The following CCSER2 variants were observed in gnomAD, a reference collection of about 807,000 sequenced individuals.
The protein encoded by CCSER2 is coiled-coil serine rich protein 2.
CCSER2 carries 46 observed loss-of-function variants against 92.3 expected under a neutral mutation model. The ratio of observed to expected loss-of-function variants is 0.50; its 90% confidence interval spans 0.39 to 0.64. The LOEUF (loss-of-function observed/expected upper bound fraction) is 0.64, where lower values mean the gene tolerates loss of function less well. Among genes scored for constraint, CCSER2 ranks in the 30% least tolerant of loss-of-function variants. The pLI, the probability that CCSER2 is intolerant of heterozygous loss-of-function variation, is 0.00. For synonymous variants in CCSER2, 433 were observed against 431.4 expected, an observed-to-expected ratio of 1.00 and a Z score of -0.04; for missense variants, 1,244 against 1,238.9, an observed-to-expected ratio of 1.00 and a Z score of -0.06.
At chr10:84,471,670 G>A (rs1008729684) in intron 8 of CCSER2, among the ~76,000 whole-genome samples, 3 of 152,038 alleles carry the variant, frequency 2.0e-5, no homozygotes, top group Non-Finnish European at 4.4e-5. Flanking sequence ...ATGAATGAGC[G>A]GTGAAATGGA....
At chr10:84,395,976 A>G (rs1589540510) in intron 3 of CCSER2, among the ~76,000 whole-genome samples, 1 of 152,252 alleles carries the variant, frequency 6.6e-6, no homozygotes, top group African/African-American at 2.4e-5. Context: ...AGAACTGACA[A>G]TTATATGTAT....
At chr10:84,368,443 G>A (rs912340834) in intron 1 of CCSER2, among the ~76,000 whole-genome samples, 4 of 151,454 alleles carry the variant, frequency 2.6e-5, no homozygotes, top group South Asian at 2.1e-4. Context: ...GTAACAGGAC[G>A]TTCTTTAGTC....
At chr10:84,496,329 AG>A (rs1359391030) in intron 9 of CCSER2, among the ~76,000 whole-genome samples, 2 of 151,934 alleles carry the variant, frequency 1.3e-5, no homozygotes, top group Non-Finnish European at 2.9e-5. Flanking sequence ...TCTGTCGCCC[AG>A]GCTGGAGTGC....
chr10:84,399,632 T>A (rs1374212930), intron 3 of CCSER2, among the ~76,000 whole-genome samples: 1 of 152,188 alleles, frequency 6.6e-6, no homozygotes, highest in Non-Finnish European at 1.5e-5. Context: ...CCATTATTCT[T>A]TTAAATCTGG....
intron 6 of CCSER2, among the ~76,000 whole-genome samples, chr10:84,463,481 A>G (rs1203359337): frequency 6.6e-6 from 1 of 152,188 alleles, no homozygotes; most frequent in African/African-American, 2.4e-5. Context: ...TCATGTAGCT[A>G]GTATTTTTAA....
intron 1 of CCSER2, among the ~76,000 whole-genome samples, chr10:84,368,173 A>G (rs1372041069): frequency 1.3e-5 from 2 of 152,116 alleles, no homozygotes; most frequent in Non-Finnish European, 2.9e-5. Context: ...TGGCAAATCA[A>G]ATTTTTTCTA....
In CCSER2 at chr10:84,516,172, G is replaced by A. The variant is rs1156852601; in HGVS notation, c.*1905G>A. On this transcript the variant is annotated 3_prime_UTR_variant, in exon 10 of 10. Coordinates refer to ENST00000372088, the MANE Select transcript of CCSER2 (RefSeq NM_001284240.2). ...CTTTTAGTAGAAATTTGAAAGAAGT[G>A]TTTGCTACCATTTTGACCCATTATT... 1.3e-5 allele frequency: 2 copies of A among 152,166 alleles called. No individual in the cohort carries two copies. Among genetic ancestry groups the A allele is most frequent in the Non-Finnish European group, 2.9e-5 (2 of 68,020 alleles). 9.4% of individuals were successfully genotyped at this position (152,166 alleles called of 1,614,324 possible).
chr10:84,473,606 A>G (rs1026046143), intron 8 of CCSER2, among the ~76,000 whole-genome samples: 3 of 152,240 alleles, frequency 2.0e-5, no homozygotes, highest in Admixed American at 6.5e-5. Context: ...CACTTGTTCA[A>G]ACCAAGAGAG....
intron 3 of CCSER2, among the ~76,000 whole-genome samples, chr10:84,395,083 G>C (rs1055079572): frequency 3.3e-5 from 5 of 151,970 alleles, no homozygotes; most frequent in Admixed American, 3.3e-4. Flanking sequence ...AATTAGCCAG[G>C]CATGGTGGCA....
intron 1 of CCSER2, among the ~76,000 whole-genome samples, chr10:84,335,789 A>G (rs896435226): frequency 6.6e-6 from 1 of 152,130 alleles, no homozygotes; most frequent in Non-Finnish European, 1.5e-5. Context: ...TTCTCTGACC[A>G]TTATCTCTTG....
rs576220736 is a variant in CCSER2, at chr10:84,348,329, G to C, written c.-40+19521G>C. 5.4e-3 allele frequency among the ~76,000 whole-genome samples: 822 copies of C among 152,356 alleles called. 9 individuals carry two copies. Among genetic ancestry groups the C allele is most frequent in the African/African-American group, 0.019 (795 of 41,580 alleles). On this transcript the variant is annotated intron_variant, in intron 1 of 9. Coordinates refer to ENST00000372088, the MANE Select transcript of CCSER2 (RefSeq NM_001284240.2). Reference sequence around the variant, plus strand: ...CAGTCAGGCGTGGCGGCACGCGCCTGCAATCGCAGGCACTCGGCAGGCTGA... The same window carrying C: ...CAGTCAGGCGTGGCGGCACGCGCCTCCAATCGCAGGCACTCGGCAGGCTGA...
Position 84,517,968 on chromosome 10 carries a change from AC to A in CCSER2, c.*3704del, listed in dbSNP as rs1849652102. The A allele has an allele frequency of 6.6e-6, 1 of 152,106 alleles. No homozygotes were observed. The highest frequency in any genetic ancestry group is 2.4e-5 in the African/African-American group (1 of 41,376). 9.4% of individuals were successfully genotyped at this position (152,106 alleles called of 1,614,324 possible). Reference sequence around the variant, plus strand: ...ACCATTTCAATTTACTTTCCATCTTACCCAGTAGTTTTTGTGTTTTTAAATT... The same window carrying A: ...ACCATTTCAATTTACTTTCCATCTTACCAGTAGTTTTTGTGTTTTTAAATT... On this transcript the variant is annotated 3_prime_UTR_variant, in exon 10 of 10. Transcript: ENST00000372088.
At chr10:84,412,872 A>G (rs1312810560) in intron 3 of CCSER2, among the ~76,000 whole-genome samples, 1 of 152,086 alleles carries the variant, frequency 6.6e-6, no homozygotes, top group Non-Finnish European at 1.5e-5. Flanking sequence ...TTTCTCCCAA[A>G]AAAGGTGTAT....
intron 9 of CCSER2, among the ~76,000 whole-genome samples, chr10:84,513,244 C>T (rs578205495): frequency 6.6e-6 from 1 of 152,018 alleles, no homozygotes; most frequent in East Asian, 1.9e-4. Context: ...GTGTTTACTG[C>T]CTGTATCATT....
At chr10:84,427,782 A>G (rs1398062087) in intron 5 of CCSER2, among the ~76,000 whole-genome samples, 1 of 152,002 alleles carries the variant, frequency 6.6e-6, no homozygotes, top group African/African-American at 2.4e-5. Context: ...CACATTCTTC[A>G]TCTCTTCACC....
At position 84,517,140 on chromosome 10, in the gene CCSER2, C is replaced by T. The variant is rs1172015365; in HGVS notation, c.*2873C>T. ...CTAGTGGTATCAATGAAGATAGTTA[C>T]AGTATATGAATTCTAAGTCCTGAGG... On this transcript the variant is annotated 3_prime_UTR_variant, in exon 10 of 10. Coordinates refer to ENST00000372088, the MANE Select transcript of CCSER2 (RefSeq NM_001284240.2). The T allele has an allele frequency of 1.3e-5, 2 of 152,152 alleles. No homozygotes were observed. The highest frequency in any genetic ancestry group is 3.9e-4 in the East Asian group (2 of 5,190). The allele number at this position is 152,152 out of a possible 1,614,324, so 9.4% of individuals were successfully genotyped here.
intron 3 of CCSER2, among the ~76,000 whole-genome samples, chr10:84,402,924 C>A (rs78294580): frequency 2.0e-5 from 3 of 152,086 alleles, no homozygotes; most frequent in Non-Finnish European, 4.4e-5. Flanking sequence ...TTCATCAAAA[C>A]CCTGGAAATA....
rs558386127 is a variant in CCSER2 at position 84,395,759 on chromosome 10, C to T, written c.1614+21944C>T. ...ACATTAGACCAACCATTGGGAAACC[C>T]AGATTTCAGCCGTAGCTGAATAAGT... On this transcript the variant is annotated intron_variant, in intron 3 of 9. Coordinates refer to ENST00000372088, the MANE Select transcript of CCSER2 (RefSeq NM_001284240.2). 3.8e-4 allele frequency among the ~76,000 whole-genome samples: 58 copies of T among 152,268 alleles called. 2 individuals carry two copies. The South Asian group carries it at 9.1e-3, about 24-fold the overall frequency.
chr10:84,382,993 C>T (rs776495941), intron 3 of CCSER2, among the ~76,000 whole-genome samples: 16 of 152,150 alleles, frequency 1.1e-4, no homozygotes, highest in Non-Finnish European at 2.4e-4. Context: ...TGGGTTTCTA[C>T]CTTGTGACTG....
Sources: allele counts gnomAD v4.1 joint callset (sites outside exome capture counted in the v4.1 genomes callset), GRCh38; gene constraint gnomAD v4.1.1; transcripts MANE v1.5; gene names NCBI Gene and HGNC (gene_info 2026-07-23, HGNC 2026-07-21).